Variants in MYO5B observed in about 807,000 individuals in gnomAD.
MYO5B encodes unconventional myosin-Vb.
MYO5B carries 143 observed loss-of-function variants against 229.3 expected under a neutral mutation model. The ratio of observed to expected loss-of-function variants is 0.62; its 90% CI spans 0.54 to 0.72. MYO5B has a LOEUF of 0.72. MYO5B is among the 30% of genes least tolerant of loss of function. The pLI, the probability that MYO5B is intolerant of heterozygous loss-of-function variation, is 0.00. For missense variants in MYO5B, 2,321 were observed against 2,331.0 expected (o/e 1.00, Z 0.09); for synonymous variants, 918 against 885.2 (o/e 1.04, Z -0.66).
At chr18:49,863,574 C>T (rs908589794) in intron 28 of MYO5B, among the ~76,000 whole-genome samples, 1 of 152,104 alleles carries the variant, frequency 6.6e-6, no homozygotes, top group Non-Finnish European at 1.5e-5. Context: ...CCAGGAGGTG[C>T]CCCTGGGAGG....
At chr18:50,144,280 G>A (rs138920988) in intron 1 of MYO5B, among the ~76,000 whole-genome samples, 15 of 152,236 alleles carry the variant, frequency 9.9e-5, no homozygotes, top group East Asian at 1.9e-4. Context: ...CTAGACAGGC[G>A]TGCTTTGGAC....
intron 1 of MYO5B, among the ~76,000 whole-genome samples, chr18:50,077,106 C>G (rs1374822256): frequency 8.7e-6 from 1 of 114,694 alleles, no homozygotes; most frequent in Admixed American, 1.1e-4. Context: ...TTTTAAGAAA[C>G]AGAATGGGGA....
At chr18:50,155,422 G>C (rs1451600299) in intron 1 of MYO5B, among the ~76,000 whole-genome samples, 2 of 152,080 alleles carry the variant, frequency 1.3e-5, no homozygotes, top group Admixed American at 6.6e-5. Flanking sequence ...TACTTATCTT[G>C]GTAATCCTTG....
chr18:49,910,673 T>C (rs536095717), intron 18 of MYO5B, among the ~76,000 whole-genome samples: 11 of 152,294 alleles, frequency 7.2e-5, no homozygotes, highest in Middle Eastern at 3.4e-3. Flanking sequence ...TATTCTGCAG[T>C]GTCTATAGCT....
At chr18:49,929,676 A>C in intron 16 of MYO5B, 78 bp from the exon 17 acceptor site, 1 of 1,262,788 alleles carries the variant, frequency 7.9e-7, no homozygotes, top group Non-Finnish European at 1.1e-6. Flanking sequence ...ACAAAAAAGA[A>C]TCTTTTCCTG....
At chr18:50,074,694 C>T (rs971920144) in intron 1 of MYO5B, among the ~76,000 whole-genome samples, 2 of 152,316 alleles carry the variant, frequency 1.3e-5, no homozygotes, top group South Asian at 4.1e-4. Flanking sequence ...AAAAACAGGT[C>T]TGTTAATCAC....
At chr18:49,997,369 C>CTTTTTTTTTTTTTTTTTTTTTT (rs34011258) in intron 5 of MYO5B, among the ~76,000 whole-genome samples, 8 of 60,354 alleles carry the variant, frequency 1.3e-4, no homozygotes, top group African/African-American at 5.7e-4. Flanking sequence ...TCCTTTCTTT[C>CTTTTTTTTTTTTTTTTTTTTTT]TTTTTTTTTT....
intron 9 of MYO5B, among the ~76,000 whole-genome samples, 185 bp from the exon 10 acceptor site, chr18:49,974,800 C>CAT (rs1555648483): frequency 3.2e-3 from 242 of 75,504 alleles, no homozygotes; most frequent in African/African-American, 8.9e-3. Context: ...CACACACAGA[C>CAT]ACACACACAC....
At chr18:49,998,694 A>T (rs989721529) in intron 5 of MYO5B, among the ~76,000 whole-genome samples, 1 of 152,220 alleles carries the variant, frequency 6.6e-6, no homozygotes, top group African/African-American at 2.4e-5. Context: ...GAAAAGGAGC[A>T]AAATATTAAT....
In MYO5B at chr18:49,912,090, C is replaced by T; in HGVS notation, c.2174G>A (p.Cys725Tyr). The T allele has an allele frequency of 6.2e-7, 1 of 1,614,128 alleles. No individual in the cohort carries two copies. Among genetic ancestry groups the T allele is most frequent in the African/African-American group, 1.3e-5 (1 of 75,038 alleles). The change falls in exon 18 of 40, where the codon TGC (cysteine) becomes TAC (tyrosine). Residue 725 changes from cysteine (C) to tyrosine (Y), a missense_variant. This residue lies in a region of MYO5B where 2,113 missense variants were observed against 2,044.7 expected (regional missense o/e 1.03). Coordinates refer to ENST00000285039, the MANE Select transcript of MYO5B (RefSeq NM_001080467.3). ...ELANTDKKAI[C>Y]RSVLENLIKD... ...GATGAGGTTCTCCAGGACAGACCTG[C>T]AGATGGCCTTTTTGTCTGTGTTGGC...
chr18:50,184,328 C>A (rs760809557), intron 1 of MYO5B, among the ~76,000 whole-genome samples: 9 of 152,072 alleles, frequency 5.9e-5, no homozygotes, highest in Non-Finnish European at 1.2e-4. Flanking sequence ...GGACTCGATC[C>A]TTCTCTGATC....
chr18:50,178,782 G>A (rs1337319927), intron 1 of MYO5B, among the ~76,000 whole-genome samples: 2 of 152,136 alleles, frequency 1.3e-5, no homozygotes, highest in South Asian at 2.1e-4. Flanking sequence ...GGACATCTTC[G>A]CATCTGTCCC....
chr18:50,015,447 T>A (rs6507963), intron 4 of MYO5B, among the ~76,000 whole-genome samples: 148,979 of 152,334 alleles, frequency 0.98, 72,944 homozygotes, highest in East Asian at 1. Flanking sequence ...AATAATTTTA[T>A]TTCTTGAAAT....
At chr18:50,194,670 C>T (rs1341983955) in intron 1 of MYO5B, 97 bp downstream of exon 1, 2 of 850,680 alleles carry the variant, frequency 2.4e-6, no homozygotes, top group Admixed American at 4.8e-5. Flanking sequence ...CGTCACCTCC[C>T]GCCTCCAGTA....
chr18:50,170,220 C>T (rs769758550), intron 1 of MYO5B, among the ~76,000 whole-genome samples: 1 of 127,316 alleles, frequency 7.9e-6, no homozygotes. Context: ...GAGGCTTGGC[C>T]GGAAGCATCA....
intron 14 of MYO5B, among the ~76,000 whole-genome samples, chr18:49,949,889 A>T (rs901227116): frequency 8.5e-5 from 13 of 152,192 alleles, no homozygotes; most frequent in African/African-American, 3.1e-4. Flanking sequence ...AAAAATTTTA[A>T]AGAAAATAGA....
chr18:50,194,786 A>G lies in MYO5B; in HGVS notation c.8T>C (p.Val3Ala), dbSNP rs2033279152. Residue 3 changes from valine (V) to alanine (A), a missense_variant, in exon 1 of 40, where the codon GTG (valine) becomes GCG (alanine). Physicochemically the swap from Val to Ala is moderately conservative, Grantham distance 64 (BLOSUM62 0). This residue lies in a region of MYO5B where 2,113 missense variants were observed against 2,044.7 expected (regional missense o/e 1.03). Transcript: ENST00000285039. The part of the protein sequence containing the change: MS[V>A]GELYSQCTRV... ...GCTCACCTGGCTGTAGAGCTCGCCC[A>G]CCGACATGGCCCGGGCCGGGCGGGG... is the stretch of plus-strand genomic sequence containing the variant. 1 of 1,454,324 alleles carries G rather than the reference A, an allele frequency of 6.9e-7. No individual in the cohort carries two copies. The highest frequency in any genetic ancestry group is 9.0e-7 in the Non-Finnish European group (1 of 1,106,734). The allele number at this position is 1,454,324 out of a possible 1,614,324, so 90.1% of individuals were successfully genotyped here.
intron 26 of MYO5B, among the ~76,000 whole-genome samples, chr18:49,875,097 C>T (rs1038387303): frequency 4.6e-5 from 7 of 152,232 alleles, no homozygotes; most frequent in Admixed American, 3.9e-4. Context: ...GTGCCTGGCA[C>T]TGGCATAGTT....
At position 49,856,826 on chromosome 18, in the gene MYO5B, T is replaced by TTG. The variant is rs1458560992; in HGVS notation, c.4008_4009insCA (p.Lys1337GlnfsTer33). ...AATATGTTCCACCTGGCAACTTGCT[T>TTG]TAGGCCTTGGTAGGCCAAGCCGAGT... is the stretch of plus-strand genomic sequence containing the variant. On this transcript the variant is annotated frameshift_variant, in exon 30 of 40. Coordinates refer to ENST00000285039, the MANE Select transcript of MYO5B (RefSeq NM_001080467.3). LOFTEE classifies it high-confidence loss of function. The TTG allele has an allele frequency of 1.2e-6, 2 of 1,613,824 alleles. No homozygotes were observed. Among genetic ancestry groups the TTG allele is most frequent in the Non-Finnish European group, 8.5e-7 (1 of 1,179,666 alleles).
Sources: allele counts gnomAD v4.1 joint callset (sites outside exome capture counted in the v4.1 genomes callset), GRCh38; gene constraint gnomAD v4.1.1; regional missense constraint gnomAD v4.1.1; transcripts MANE v1.5; gene names NCBI Gene and HGNC (gene_info 2026-07-23, HGNC 2026-07-21).